THSD7B: variants seen among roughly 807,000 people sequenced by gnomAD.
The protein encoded by THSD7B is thrombospondin type-1 domain-containing protein 7B.
Under a neutral mutation model 213.6 loss-of-function variants are expected in THSD7B, and 138 were observed. That is an observed-to-expected ratio of 0.65 (90% CI 0.56 to 0.74). The LOEUF is 0.74. THSD7B is among the 30% of genes least tolerant of loss of function. The pLI, the probability that THSD7B is intolerant of heterozygous loss-of-function variation, is 0.00. For synonymous variants in THSD7B, 742 were observed against 687.0 expected (o/e 1.08, Z -1.25); for missense variants, 1,931 against 1,991.5 (o/e 0.97, Z 0.58).
At chr2:137,507,905 G>C (rs1053310365) in intron 15 of THSD7B, among the ~76,000 whole-genome samples, 1 of 152,172 alleles carries the variant, frequency 6.6e-6, no homozygotes, top group African/African-American at 2.4e-5. Flanking sequence ...CAGCATTGTA[G>C]AACCAGGCTT....
At chr2:136,966,992 A>G (rs1685326411) in intron 2 of THSD7B, among the ~76,000 whole-genome samples, 1 of 151,978 alleles carries the variant, frequency 6.6e-6, no homozygotes, top group African/African-American at 2.4e-5. Flanking sequence ...CTTGACTTTT[A>G]TTTAACTGCC....
At chr2:137,160,160 T>G in intron 5 of THSD7B, 53 bp from the exon 6 acceptor site, 1 of 1,563,420 alleles carries the variant, frequency 6.4e-7, no homozygotes, top group Non-Finnish European at 8.7e-7. Flanking sequence ...GCAGAAGCAA[T>G]GCTAAGGATG....
chr2:137,126,122 C>T (rs1412933196), intron 5 of THSD7B, among the ~76,000 whole-genome samples: 3 of 152,114 alleles, frequency 2.0e-5, no homozygotes, highest in Non-Finnish European at 4.4e-5. Context: ...GGTGAATGGG[C>T]ACTGACTTCA....
chr2:137,268,487 A>G (rs980819835), intron 10 of THSD7B, among the ~76,000 whole-genome samples: 1 of 152,148 alleles, frequency 6.6e-6, no homozygotes, highest in Non-Finnish European at 1.5e-5. Flanking sequence ...TGATATGCTC[A>G]ACAAGGTGGG....
At chr2:136,929,840 T>A (rs555335363) in intron 2 of THSD7B, among the ~76,000 whole-genome samples, 1 of 152,298 alleles carries the variant, frequency 6.6e-6, no homozygotes, top group East Asian at 1.9e-4. Context: ...CTGTGTCGCA[T>A]GACTAGATGA....
chr2:137,409,087 C>A (rs1004317674), intron 13 of THSD7B, among the ~76,000 whole-genome samples: 8 of 152,142 alleles, frequency 5.3e-5, no homozygotes, highest in African/African-American at 1.4e-4. Flanking sequence ...TCCTTGATGA[C>A]CCTAGGAGAG....
At chr2:137,068,928 A>G (rs1213098610) in intron 3 of THSD7B, among the ~76,000 whole-genome samples, 1 of 152,106 alleles carries the variant, frequency 6.6e-6, no homozygotes, top group Non-Finnish European at 1.5e-5. Context: ...CTAGGACACG[A>G]CAGAGCTTTA....
intron 2 of THSD7B, among the ~76,000 whole-genome samples, chr2:137,040,115 T>G (rs1686852760): frequency 6.6e-6 from 1 of 152,184 alleles, no homozygotes; most frequent in Non-Finnish European, 1.5e-5. Flanking sequence ...CCTGCATGGC[T>G]TATTGAAATT....
At chr2:137,510,239 C>T (rs1679931934) in intron 15 of THSD7B, among the ~76,000 whole-genome samples, 1 of 151,860 alleles carries the variant, frequency 6.6e-6, no homozygotes, top group Admixed American at 6.6e-5. Context: ...CCATTTTACC[C>T]CCCTAGTTAA....
chr2:137,649,851 T>C (rs1683104840), intron 21 of THSD7B, among the ~76,000 whole-genome samples: 1 of 152,084 alleles, frequency 6.6e-6, no homozygotes, highest in Admixed American at 6.6e-5. Context: ...ACCCCAGCAC[T>C]TGGGGAGGCT....
chr2:137,466,122 G>A (rs949830008), intron 15 of THSD7B, among the ~76,000 whole-genome samples: 3 of 152,146 alleles, frequency 2.0e-5, no homozygotes, highest in Admixed American at 6.6e-5. Context: ...TAATATGGAT[G>A]AGAATTTTGT....
At chr2:136,904,524 G>A (rs868753953) in intron 2 of THSD7B, among the ~76,000 whole-genome samples, 8 of 152,170 alleles carry the variant, frequency 5.3e-5, no homozygotes, top group African/African-American at 1.9e-4. Context: ...TGGGCTAAGC[G>A]TCTATGAAAA....
At chr2:137,232,152 G>T (rs34875735) in intron 8 of THSD7B, among the ~76,000 whole-genome samples, 7,007 of 152,248 alleles carry the variant, frequency 0.046, 200 homozygotes, top group Admixed American at 0.069. Flanking sequence ...CCATTAAAGT[G>T]TAGAAGAGTA....
intron 17 of THSD7B, among the ~76,000 whole-genome samples, chr2:137,598,616 T>C (rs1454127533): frequency 6.6e-6 from 1 of 152,230 alleles, no homozygotes; most frequent in Non-Finnish European, 1.5e-5. Flanking sequence ...TCCCTATAAA[T>C]GGCTTGTTGT....
intron 7 of THSD7B, among the ~76,000 whole-genome samples, chr2:137,186,438 G>T (rs376753682): frequency 3.9e-5 from 6 of 152,070 alleles, no homozygotes; most frequent in South Asian, 2.1e-4. Context: ...TTATTCTTCC[G>T]CAAATGGCTA....
chr2:136,913,802 A>G (rs1335849819), intron 2 of THSD7B, among the ~76,000 whole-genome samples: 1 of 152,262 alleles, frequency 6.6e-6, no homozygotes, highest in African/African-American at 2.4e-5. Flanking sequence ...CTGGATGCCC[A>G]GGCAAATTTT....
At chr2:137,639,518 G>A (rs2104859707) in intron 20 of THSD7B, among the ~76,000 whole-genome samples, 1 of 152,314 alleles carries the variant, frequency 6.6e-6, no homozygotes, top group South Asian at 2.1e-4. Context: ...GCCTAGTGGA[G>A]CTGTGAGAAG....
chr2:137,268,492 G>A (rs1326744691), intron 10 of THSD7B, among the ~76,000 whole-genome samples: 4 of 152,134 alleles, frequency 2.6e-5, no homozygotes, highest in Admixed American at 6.6e-5. Flanking sequence ...TGCTCAACAA[G>A]GTGGGGATTA....
intron 7 of THSD7B, among the ~76,000 whole-genome samples, chr2:137,187,305 A>C (rs1558951205): frequency 6.6e-6 from 1 of 152,122 alleles, no homozygotes; most frequent in Non-Finnish European, 1.5e-5. Context: ...AGTGTTTCAC[A>C]AAGGAATGAC....
Sources: allele counts gnomAD v4.1 joint callset (sites outside exome capture counted in the v4.1 genomes callset), GRCh38; gene constraint gnomAD v4.1.1; transcripts MANE v1.5; gene names NCBI Gene and HGNC (gene_info 2026-07-23, HGNC 2026-07-21).